Variants in SPATS2 observed in about 807,000 individuals in gnomAD.
The protein encoded by SPATS2 is spermatogenesis-associated serine-rich protein 2.
A neutral mutation model predicts 63.7 loss-of-function variants in SPATS2; 38 were observed. That is an observed-to-expected ratio of 0.60 (90% CI 0.46 to 0.78). The LOEUF is 0.78. Ranked by LOEUF, SPATS2 falls within the 30% of genes least tolerant of loss-of-function variation. The pLI, the probability that SPATS2 is intolerant of heterozygous loss-of-function variation, is 0.00. For missense variants in SPATS2, 588 were observed against 666.2 expected (o/e 0.88, Z 1.29); for synonymous variants, 207 against 232.9 (o/e 0.89, Z 1.01).
In SPATS2 at chr12:49,524,724, G is replaced by T; in HGVS notation, c.1154G>T (p.Ser385Ile). 6.2e-7 allele frequency: 1 copy of T among 1,614,144 alleles called. No homozygotes were observed. Among genetic ancestry groups the T allele is most frequent in the South Asian group, 1.1e-5 (1 of 91,080 alleles). The change falls in exon 13 of 14, where the codon AGC (serine) becomes ATC (isoleucine). Residue 385 changes from serine (S) to isoleucine (I), a missense_variant. Ser to Ile is a moderately radical substitution (Grantham distance 142, BLOSUM62 -2). Coordinates refer to ENST00000552918, the MANE Select transcript of SPATS2 (RefSeq NM_023071.4). Reference protein sequence around the residue: ...KNSYSTRSRCSSVTSVSLSSP... With the variant: ...KNSYSTRSRCISVTSVSLSSP... ...AGCTATTCGACCAGATCCCGATGTA[G>T]CTCAGTTACATCTGTGTCCTTGAGT...
At chr12:49,400,328 T>G (rs1368815812) in intron 2 of SPATS2, among the ~76,000 whole-genome samples, 1 of 152,086 alleles carries the variant, frequency 6.6e-6, no homozygotes, top group African/African-American at 2.4e-5. Context: ...AGGAAAGGAA[T>G]TGGAGACAGT....
At chr12:49,431,239 A>G (rs1297749120) in intron 2 of SPATS2, among the ~76,000 whole-genome samples, 1 of 151,896 alleles carries the variant, frequency 6.6e-6, no homozygotes, top group Non-Finnish European at 1.5e-5. Context: ...CTTAATAAAT[A>G]TATAAAGAAC....
At chr12:49,522,624 G>C in intron 11 of SPATS2, 127 bp from the exon 12 acceptor site, 1 of 656,176 alleles carries the variant, frequency 1.5e-6, no homozygotes, top group African/African-American at 1.8e-5. Flanking sequence ...GTCATGTGAT[G>C]GCCATTTAAT....
chr12:49,467,049 T>G (rs1405352364), intron 3 of SPATS2, among the ~76,000 whole-genome samples: 3 of 129,192 alleles, frequency 2.3e-5, no homozygotes, highest in African/African-American at 5.9e-5. Context: ...TCTTTGTTTT[T>G]TTTTTTTTTT....
intron 2 of SPATS2, among the ~76,000 whole-genome samples, chr12:49,454,894 A>C (rs910560207): frequency 4.6e-5 from 7 of 151,542 alleles, no homozygotes; most frequent in East Asian, 1.9e-4. Context: ...AAAAAAAAAA[A>C]AAAACAGTCC....
In SPATS2 at chr12:49,423,736, C is replaced by T. The variant is rs375555624; in HGVS notation, c.-243-37034C>T. 1.1e-4 allele frequency among the ~76,000 whole-genome samples: 17 copies of T among 152,268 alleles called. No homozygotes were observed. In the East Asian group the frequency reaches 2.3e-3, roughly 21 times the overall value. ...TTAAAGAAACCCTGTAAGTAACTGTCGTACCCAAATTCACCTAAATGGATG... is the reference window on the plus strand; with the variant it reads ...TTAAAGAAACCCTGTAAGTAACTGTTGTACCCAAATTCACCTAAATGGATG... On this transcript the variant is annotated intron_variant, in intron 2 of 13. Transcript: ENST00000552918.
intron 2 of SPATS2, among the ~76,000 whole-genome samples, chr12:49,416,670 A>T (rs1327688528): frequency 6.6e-6 from 1 of 151,888 alleles, no homozygotes; most frequent in Non-Finnish European, 1.5e-5. Flanking sequence ...TTTTTAGTAG[A>T]GGTGGGGTTT....
At chr12:49,398,209 G>A (rs1002204182) in intron 2 of SPATS2, among the ~76,000 whole-genome samples, 2 of 148,202 alleles carry the variant, frequency 1.3e-5, no homozygotes, top group African/African-American at 5.0e-5. Flanking sequence ...GAATGAATAA[G>A]TAGTTTTAAA....
chr12:49,387,948 G>A (rs564796325), intron 2 of SPATS2, among the ~76,000 whole-genome samples: 1 of 152,200 alleles, frequency 6.6e-6, no homozygotes, highest in South Asian at 2.1e-4. Context: ...TTTGCTTTAA[G>A]TATTTATTTT....
rs559798986 is a variant in SPATS2 at position 49,486,039 on chromosome 12, G to A, written c.105+1370G>A. On this transcript the variant is annotated intron_variant, in intron 4 of 13. Transcript: ENST00000552918. Reference sequence around the variant, plus strand: ...CTCCCAAAGTGCTGGGATTATAGGCGTGAGCCACTGCACCTGGCCTCTCTG... The same window carrying A: ...CTCCCAAAGTGCTGGGATTATAGGCATGAGCCACTGCACCTGGCCTCTCTG... Among the ~76,000 whole-genome samples the A allele has an allele frequency of 2.6e-5, 4 of 151,478 alleles. No homozygotes were observed. In the South Asian group the frequency reaches 8.3e-4, roughly 32 times the overall value.
At chr12:49,429,964 A>C (rs1945153179) in intron 2 of SPATS2, among the ~76,000 whole-genome samples, 1 of 147,614 alleles carries the variant, frequency 6.8e-6, no homozygotes, top group African/African-American at 2.5e-5. Flanking sequence ...TATTTTTAGT[A>C]GAGACAGGGT....
chr12:49,402,879 G>A (rs747412752), intron 2 of SPATS2, among the ~76,000 whole-genome samples: 1 of 152,070 alleles, frequency 6.6e-6, no homozygotes, highest in Non-Finnish European at 1.5e-5. Context: ...AAAACACTAC[G>A]GATAGGACTA....
intron 2 of SPATS2, among the ~76,000 whole-genome samples, chr12:49,405,528 G>C (rs1727096526): frequency 6.6e-6 from 1 of 152,044 alleles, no homozygotes; most frequent in Non-Finnish European, 1.5e-5. Flanking sequence ...GCAAAACCCC[G>C]TCTTTACTAA....
chr12:49,480,146 C>T (rs1475345946), intron 3 of SPATS2, among the ~76,000 whole-genome samples: 2 of 152,204 alleles, frequency 1.3e-5, no homozygotes, highest in Non-Finnish European at 2.9e-5. Context: ...TCAGTAACCC[C>T]CATGAGAATC....
rs188251649 is a variant in SPATS2 at position 49,498,172 on chromosome 12, G to A, written c.703+1163G>A. On this transcript the variant is annotated intron_variant, in intron 8 of 13. Coordinates refer to ENST00000552918, the MANE Select transcript of SPATS2 (RefSeq NM_023071.4). ...TATATATATATATATATATATATGC[G>A]CACAAGGCTTGAAAGCTTTTAGGTG... Among the ~76,000 whole-genome samples the A allele has an allele frequency of 7.8e-3, 881 of 112,440 alleles. 38 individuals carry two copies. Among genetic ancestry groups the A allele is most frequent in the Admixed American group, 0.065 (800 of 12,228 alleles). 73.8% of individuals were successfully genotyped at this position (112,440 alleles called of 152,430 possible).
chr12:49,372,149 G>A (rs1373706398), intron 2 of SPATS2, among the ~76,000 whole-genome samples: 2 of 151,970 alleles, frequency 1.3e-5, no homozygotes, highest in African/African-American at 4.8e-5. Context: ...GGGTTTAAGC[G>A]ATTTTCCTGC....
intron 2 of SPATS2, among the ~76,000 whole-genome samples, chr12:49,431,494 C>T (rs896957175): frequency 1.3e-5 from 2 of 152,124 alleles, no homozygotes; most frequent in Non-Finnish European, 2.9e-5. Flanking sequence ...GTGATCTGCC[C>T]GCCTCGGCTT....
rs1244605294 is a variant in SPATS2, at chr12:49,527,270, C to G, written c.*1015C>G. ...ATTTTTCTGTTTTAATGTTTGGAGA[C>G]TTTTTTTTTTGTTCTCTCCCTTTCC... is the stretch of plus-strand genomic sequence containing the variant. On this transcript the variant is annotated 3_prime_UTR_variant, in exon 14 of 14. Transcript: ENST00000552918. 6.8e-6 allele frequency: 1 copy of G among 146,214 alleles called. No individual in the cohort carries two copies. The highest frequency in any genetic ancestry group is 6.8e-5 in the Admixed American group (1 of 14,612). The allele number at this position is 146,214 out of a possible 1,614,324, so 9.1% of individuals were successfully genotyped here. A position where few individuals can be genotyped will look rare whatever the true frequency, so the allele number is the denominator to read the frequency against.
chr12:49,517,210 A>G (rs1946865343), intron 10 of SPATS2, among the ~76,000 whole-genome samples: 1 of 152,234 alleles, frequency 6.6e-6, no homozygotes. Context: ...ACCTAAACCA[A>G]TAGATCATTT....
Sources: gnomAD v4.1 joint callset for allele counts (sites outside exome capture counted in the v4.1 genomes callset) on GRCh38, gnomAD v4.1.1 for gene constraint, MANE v1.5 for transcripts, NCBI Gene and HGNC (gene_info 2026-07-23, HGNC 2026-07-21) for gene names.